EED: variants seen among roughly 807,000 people sequenced by gnomAD.
EED encodes embryonic ectoderm development.
In EED, 9 loss-of-function variants were observed where a neutral mutation model predicts 61.0. The observed-to-expected ratio is 0.15, with a 90% CI of 0.09 to 0.26. The LOEUF is 0.26. EED is among the 10% of genes least tolerant of loss of function. The probability of loss-of-function intolerance (pLI) is 1.00; values close to 1 mark genes in which losing one functional copy is unlikely to be tolerated. For synonymous variants in EED, 187 were observed against 174.4 expected, an observed-to-expected ratio of 1.07 and a Z score of -0.57; for missense variants, 315 against 542.3, an observed-to-expected ratio of 0.58 and a Z score of 4.16.
chr11:86,249,689 A>G (rs894047514), intron 1 of EED, among the ~76,000 whole-genome samples: 1 of 152,184 alleles, frequency 6.6e-6, no homozygotes, highest in East Asian at 1.9e-4. Context: ...ACAATGAGAC[A>G]GTTTTAACTT....
the EED span, among the ~76,000 whole-genome samples, chr11:86,287,291 T>C: frequency 5.3e-5 from 8 of 152,304 alleles, no homozygotes; most frequent in Non-Finnish European, 1.0e-4. Context: ...TGGCCTCTCT[T>C]TAACCAGAGA....
chr11:86,274,738 T>G (rs1946190698), intron 9 of EED, among the ~76,000 whole-genome samples: 1 of 152,206 alleles, frequency 6.6e-6, no homozygotes, highest in Non-Finnish European at 1.5e-5. Context: ...GGTGGTGGCT[T>G]TACCAATGAA....
chr11:86,263,582 T>G (rs1353885221), intron 6 of EED, among the ~76,000 whole-genome samples: 1 of 152,216 alleles, frequency 6.6e-6, no homozygotes, highest in East Asian at 1.9e-4. Context: ...GGTCTTGCTA[T>G]ATTGCTAGGG....
intron 7 of EED, 91 bp downstream of exon 7, chr11:86,264,354 C>A: frequency 1.2e-6 from 1 of 867,046 alleles, no homozygotes; most frequent in Non-Finnish European, 1.8e-6. Context: ...AAGTGTGTTT[C>A]ATGTAGCCTG....
chr11:86,259,948 C>T (rs1265868083), intron 6 of EED, among the ~76,000 whole-genome samples: 1 of 152,130 alleles, frequency 6.6e-6, no homozygotes, highest in Non-Finnish European at 1.5e-5. Flanking sequence ...GGCAGTTCCT[C>T]AAAATGTTAC....
At chr11:86,276,762 CTT>C in intron 9 of EED, 1 of 357,196 alleles carries the variant, frequency 2.8e-6, no homozygotes, top group Non-Finnish European at 5.0e-6. Context: ...CAATGTGATT[CTT>C]TTGTATTATC....
At chr11:86,247,336 G>A (rs987985110) in intron 1 of EED, among the ~76,000 whole-genome samples, 3 of 152,090 alleles carry the variant, frequency 2.0e-5, no homozygotes, top group Non-Finnish European at 1.5e-5. Flanking sequence ...AGGATATGAG[G>A]TTACAAACAA....
At chr11:86,271,505 C>T (rs375553422) in intron 9 of EED, among the ~76,000 whole-genome samples, 1 of 151,854 alleles carries the variant, frequency 6.6e-6, no homozygotes, top group South Asian at 2.1e-4. Flanking sequence ...TCTTTTTTTG[C>T]CTTATTGCGC....
At chr11:86,245,426 G>C in intron 1 of EED, 83 bp downstream of exon 1, 1 of 1,162,148 alleles carries the variant, frequency 8.6e-7, no homozygotes, top group Non-Finnish European at 1.2e-6. Flanking sequence ...GGACGAGCGG[G>C]CTGCTGTGGG....
At chr11:86,264,500 G>A (rs1046315479) in intron 7 of EED, 2 of 340,368 alleles carry the variant, frequency 5.9e-6, no homozygotes, top group African/African-American at 4.2e-5. Context: ...AGTCTTATGA[G>A]AGCAGTATGA....
At chr11:86,268,930 A>G (rs898152567) in intron 9 of EED, among the ~76,000 whole-genome samples, 1 of 152,136 alleles carries the variant, frequency 6.6e-6, no homozygotes, top group Admixed American at 6.5e-5. Flanking sequence ...TTTATTTATA[A>G]AAACAGGTGG....
intron 9 of EED, among the ~76,000 whole-genome samples, chr11:86,271,793 T>C (rs1946116756): frequency 6.6e-6 from 1 of 151,898 alleles, no homozygotes; most frequent in African/African-American, 2.4e-5. Flanking sequence ...TATTGATTGG[T>C]TTTTTGAATA....
Position 86,278,594 on chromosome 11 carries a change from T to C in EED, c.*69T>C. Reference sequence around the variant, plus strand: ...GTAAAATAGAATTAATGTATCTTGCTAGTAAGGGCACGTAGAGCATTTAGA... The same window carrying C: ...GTAAAATAGAATTAATGTATCTTGCCAGTAAGGGCACGTAGAGCATTTAGA... On this transcript the variant is annotated 3_prime_UTR_variant, in exon 12 of 12. Coordinates refer to ENST00000263360, the MANE Select transcript of EED (RefSeq NM_003797.5). 1 of 1,574,100 alleles carries C rather than the reference T, an allele frequency of 6.4e-7. No individual in the cohort carries two copies. Among genetic ancestry groups the C allele is most frequent in the East Asian group, 2.3e-5 (1 of 44,440 alleles).
downstream of EED, among the ~76,000 whole-genome samples, chr11:86,281,740 G>A (rs1054230294): frequency 6.6e-5 from 10 of 152,100 alleles, no homozygotes; most frequent in East Asian, 1.9e-4. Context: ...CTGCACCCTC[G>A]AACTCCTGGG....
At chr11:86,280,033 T>C (rs972693456), downstream of EED, among the ~76,000 whole-genome samples, 3 of 152,220 alleles carry the variant, frequency 2.0e-5, no homozygotes, top group African/African-American at 7.2e-5. Flanking sequence ...GGTGAGAATA[T>C]CATCTTTCCT....
intron 8 of EED, chr11:86,267,810 T>C (rs1032788474): frequency 2.3e-5 from 3 of 132,750 alleles, no homozygotes; most frequent in African/African-American, 8.4e-5. Context: ...AGATGGGGTT[T>C]CACCATGTTG....
downstream of EED, among the ~76,000 whole-genome samples, chr11:86,280,961 A>T (rs1382840092): frequency 6.6e-6 from 1 of 152,218 alleles, no homozygotes; most frequent in Non-Finnish European, 1.5e-5. Context: ...AATATGGTGA[A>T]TCACATTTAT....
At chr11:86,254,048 CAAAAAAAAA>C (rs201298345) in intron 3 of EED, among the ~76,000 whole-genome samples, 9 of 56,336 alleles carry the variant, frequency 1.6e-4, no homozygotes, top group East Asian at 1.4e-3. Flanking sequence ...AACTCTGTCT[CAAAAAAAAA>C]AAAAAAAAAA....
At position 86,266,191 on chromosome 11, in the gene EED, G is replaced by T; in HGVS notation, c.835G>T (p.Asp279Tyr). Reference sequence around the variant, plus strand: ...GATGAATGCAATTAAGGAATCTTATGATTATAATCCAAATAAAACTAACAG... The same window carrying T: ...GATGAATGCAATTAAGGAATCTTATTATTATAATCCAAATAAAACTAACAG... ...RMMNAIKESY[D>Y]YNPNKTNRPF... The change falls in exon 8 of 12, where the codon GAT becomes TAT. Residue 279 changes from aspartate (D) to tyrosine (Y), a missense_variant. Physicochemically the swap from Asp to Tyr is radical, Grantham distance 160. Around this residue, in one of 2 missense-constraint regions of EED, gnomAD observed 205 missense variants for 455.4 expected, o/e 0.45. Transcript: ENST00000263360. 1 of 1,599,946 alleles carries T rather than the reference G, an allele frequency of 6.3e-7. No homozygotes were observed. The highest frequency in any genetic ancestry group is 8.5e-7 in the Non-Finnish European group (1 of 1,171,006).
Sources: gnomAD v4.1 joint callset for allele counts (sites outside exome capture counted in the v4.1 genomes callset) on GRCh38, gnomAD v4.1.1 for gene constraint, gnomAD v4.1.1 regional missense constraint, MANE v1.5 for transcripts, NCBI Gene and HGNC (gene_info 2026-07-23, HGNC 2026-07-21) for gene names.